The following RAB40A variants were observed in gnomAD, a reference collection of about 807,000 sequenced individuals.
RAB40A encodes the protein ras-related protein Rab-40A.
For missense variants in RAB40A, 145 were observed against 230.2 expected, an observed-to-expected ratio of 0.63 and a Z score of 2.40; for synonymous variants, 65 against 99.9, an observed-to-expected ratio of 0.65 and a Z score of 2.08.
intron 2 of RAB40A, among the ~76,000 whole-genome samples, chrX:103,507,588 G>GA (rs61571242): frequency 0.01 from 1,106 of 109,865 alleles, 20 homozygotes; most frequent in African/African-American, 0.032. Context: ...AATAACAACT[G>GA]AAAAAAAACC....
chrX:103,493,522 TATTC>T, the RAB40A span, among the ~76,000 whole-genome samples: 1 of 111,497 alleles, frequency 9.0e-6, no homozygotes, highest in Non-Finnish European at 1.9e-5. Context: ...TACTAGGTCT[TATTC>T]ATTCTTTCTA....
chrX:103,506,936 A>G (rs2073257583), intron 2 of RAB40A, among the ~76,000 whole-genome samples: 1 of 112,096 alleles, frequency 8.9e-6, no homozygotes, highest in Admixed American at 9.4e-5. Flanking sequence ...CTTCTAAAAA[A>G]ATGGGATACA....
chrX:103,493,883 T>C, the RAB40A span, among the ~76,000 whole-genome samples: 1 of 112,624 alleles, frequency 8.9e-6, no homozygotes, highest in Non-Finnish European at 1.9e-5. Context: ...TGAACAGTGC[T>C]GCAACAAACA....
chrX:103,505,921 C>T (rs1048976314), intron 2 of RAB40A, among the ~76,000 whole-genome samples: 1 of 111,753 alleles, frequency 8.9e-6, no homozygotes, highest in African/African-American at 3.3e-5. Context: ...GAAATCAATT[C>T]TTGTACGTAT....
downstream of RAB40A, among the ~76,000 whole-genome samples, chrX:103,495,659 G>T (rs1036961171): frequency 4.5e-5 from 5 of 112,092 alleles, no homozygotes; most frequent in African/African-American, 1.6e-4. Flanking sequence ...CTGTGTTGCA[G>T]CATATATCAG....
downstream of RAB40A, among the ~76,000 whole-genome samples, chrX:103,497,255 T>G (rs1184510553): frequency 9.0e-6 from 1 of 111,705 alleles, no homozygotes; most frequent in African/African-American, 3.3e-5. Context: ...CACAACCCCC[T>G]TACTTCCTTG....
chrX:103,511,197 C>T (rs1208393077), intron 2 of RAB40A, among the ~76,000 whole-genome samples: 2 of 110,945 alleles, frequency 1.8e-5, no homozygotes, highest in Non-Finnish European at 3.8e-5. Flanking sequence ...TACTATGCAG[C>T]CATAAAAAAG....
At chrX:103,507,939 C>G (rs1444048745) in intron 2 of RAB40A, among the ~76,000 whole-genome samples, 3 of 111,260 alleles carry the variant, frequency 2.7e-5, no homozygotes, top group Non-Finnish European at 5.6e-5. Flanking sequence ...AGTACACACT[C>G]AGGTCTGCAG....
intron 2 of RAB40A, among the ~76,000 whole-genome samples, chrX:103,509,669 T>C (rs984553264): frequency 9.9e-6 from 1 of 101,080 alleles, no homozygotes; most frequent in Admixed American, 1.1e-4. Context: ...CTGATCCTTA[T>C]CCCACTGCAC....
chrX:103,513,566 C>T (rs921635036), intron 2 of RAB40A, among the ~76,000 whole-genome samples: 1 of 111,356 alleles, frequency 9.0e-6, no homozygotes, highest in African/African-American at 3.3e-5. Flanking sequence ...CTAAACTAAC[C>T]GAGGGATTTG....
chrX:103,495,840 T>C (rs1342258759), downstream of RAB40A, among the ~76,000 whole-genome samples: 1 of 112,066 alleles, frequency 8.9e-6, no homozygotes, highest in Non-Finnish European at 1.9e-5. Context: ...GGGGTGGAAT[T>C]GCTGTGTCAT....
chrX:103,513,799 G>T (rs1219831673), intron 2 of RAB40A, among the ~76,000 whole-genome samples: 1 of 110,081 alleles, frequency 9.1e-6, no homozygotes, highest in African/African-American at 3.3e-5. Flanking sequence ...GAGCCCAGGA[G>T]TTCTAGGCTG....
At chrX:103,512,358 G>T (rs1162600806) in intron 2 of RAB40A, among the ~76,000 whole-genome samples, 1 of 109,030 alleles carries the variant, frequency 9.2e-6, no homozygotes, top group Non-Finnish European at 1.9e-5. Context: ...GAGATCTAAT[G>T]AGCAGGAGTA....
chrX:103,503,515 T>C, intron 2 of RAB40A: 2 of 750,620 alleles, frequency 2.7e-6, no homozygotes, highest in South Asian at 6.8e-5. Context: ...AATATACGTA[T>C]ATTTTTCAAA....
At chrX:103,498,332 A>G (rs1172523156), downstream of RAB40A, among the ~76,000 whole-genome samples, 2 of 112,261 alleles carry the variant, frequency 1.8e-5, no homozygotes, top group Non-Finnish European at 3.8e-5. Flanking sequence ...CCTTGTCTAC[A>G]GAGTAGGAAA....
At chrX:103,517,590 T>C (rs2073323064) in intron 1 of RAB40A, 65 bp from the exon 2 acceptor site, 1 of 112,374 alleles carries the variant, frequency 8.9e-6, no homozygotes, top group Non-Finnish European at 1.9e-5. Context: ...AAAACCAACA[T>C]TCATTTATTG....
At chrX:103,508,596 C>T (rs987309917) in intron 2 of RAB40A, among the ~76,000 whole-genome samples, 4 of 112,134 alleles carry the variant, frequency 3.6e-5, no homozygotes, top group African/African-American at 6.5e-5. Flanking sequence ...TTTCTCCAGA[C>T]GAGAACACAG....
chrX:103,511,352 A>C (rs2073288436), intron 2 of RAB40A, among the ~76,000 whole-genome samples: 1 of 109,287 alleles, frequency 9.2e-6, no homozygotes, highest in Non-Finnish European at 1.9e-5. Flanking sequence ...AATACAAAAA[A>C]ATTAGGCAGG....
chrX:103,507,408 G>C (rs753838827), intron 2 of RAB40A, among the ~76,000 whole-genome samples: 2 of 99,575 alleles, frequency 2.0e-5, no homozygotes, highest in South Asian at 7.6e-4. Context: ...ACAGTCTTTA[G>C]TGGTTTTTTT....
Sources: gnomAD v4.1 joint callset for allele counts (sites outside exome capture counted in the v4.1 genomes callset) on GRCh38, gnomAD v4.1.1 for gene constraint, MANE v1.5 for transcripts, NCBI Gene and HGNC (gene_info 2026-07-23, HGNC 2026-07-21) for gene names.